SLC44A1: variants seen among roughly 807,000 people sequenced by gnomAD.
SLC44A1 encodes the protein choline transporter-like protein 1.
A neutral mutation model predicts 79.3 loss-of-function variants in SLC44A1; 26 were observed. That is an observed-to-expected ratio of 0.33 (90% confidence interval 0.24 to 0.46). SLC44A1 has a LOEUF of 0.46. Ranked by LOEUF, SLC44A1 falls within the 20% of genes least tolerant of loss-of-function variation. The pLI is 1.00. For missense variants in SLC44A1, 688 were observed against 798.1 expected (o/e 0.86, Z 1.66); for synonymous variants, 263 against 286.2 (o/e 0.92, Z 0.82).
intron 15 of SLC44A1, among the ~76,000 whole-genome samples, chr9:105,406,466 C>T (rs943290447): frequency 2.0e-5 from 3 of 152,136 alleles, no homozygotes; most frequent in African/African-American, 2.4e-5. Context: ...ACTGGCCAGA[C>T]GTGGTGGCTC....
At position 105,356,190 on chromosome 9, in the gene SLC44A1, T is replaced by A. The variant is rs779530197; in HGVS notation, c.501-22T>A. On this transcript the variant is annotated intron_variant, in intron 5 of 15. Coordinates refer to ENST00000374720, the MANE Select transcript of SLC44A1 (RefSeq NM_080546.5). The stretch of plus-strand genomic sequence containing the variant: ...TAAGTAGGAGTAATTTTTTTTCTGA[T>A]TTTTTTTTCTTGTGTCACCAGTGCA... 1.9e-6 allele frequency: 3 copies of A among 1,583,350 alleles called. No individual in the cohort carries two copies. In the African/African-American group the frequency reaches 4.1e-5, roughly 22 times the overall value.
chr9:105,397,780 T>TA (rs372495485), downstream of SLC44A1, among the ~76,000 whole-genome samples: 1,154 of 150,930 alleles, frequency 7.6e-3, 17 homozygotes, highest in African/African-American at 0.026. Flanking sequence ...CCGTCTCTAC[T>TA]AAAAAAAATA....
chr9:105,257,986 AAT>A (rs1829750578), intron 1 of SLC44A1, among the ~76,000 whole-genome samples: 2 of 152,338 alleles, frequency 1.3e-5, no homozygotes, highest in South Asian at 4.1e-4. Context: ...GAATGGGAGA[AAT>A]AGAAGGCAGA....
At chr9:105,309,544 A>G (rs962465801) in intron 2 of SLC44A1, among the ~76,000 whole-genome samples, 180 bp from the exon 3 acceptor site, 2 of 152,196 alleles carry the variant, frequency 1.3e-5, no homozygotes, top group African/African-American at 2.4e-5. Flanking sequence ...GTGTTTCCCT[A>G]TGGACTTCTT....
chr9:105,318,703 G>A (rs1215043496), intron 3 of SLC44A1, among the ~76,000 whole-genome samples: 4 of 151,882 alleles, frequency 2.6e-5, no homozygotes, highest in African/African-American at 9.7e-5. Context: ...AAAATACTGC[G>A]AGCAATTTGA....
chr9:105,271,629 T>G (rs1035540241), intron 1 of SLC44A1, among the ~76,000 whole-genome samples: 1 of 152,136 alleles, frequency 6.6e-6, no homozygotes, highest in South Asian at 2.1e-4. Flanking sequence ...CTTTTTTTTC[T>G]TTCAGACAGA....
At position 105,390,598 on chromosome 9, in the gene SLC44A1, G is replaced by A; in HGVS notation, c.*1542G>A. 1.0e-6 allele frequency: 1 copy of A among 985,808 alleles called. No homozygotes were observed. The highest frequency in any genetic ancestry group is 4.7e-5 in the South Asian group (1 of 21,284). The allele number at this position is 985,808 out of a possible 1,614,324, so 61.1% of individuals were successfully genotyped here. The stretch of plus-strand genomic sequence containing the variant: ...GCTTAATAAGCAGCCGTTTGCTAAT[G>A]TGCTTCCTTTCAAAGGGTTGGACCT... On this transcript the variant is annotated 3_prime_UTR_variant, in exon 16 of 16. Coordinates refer to ENST00000374720, the MANE Select transcript of SLC44A1 (RefSeq NM_080546.5).
At chr9:105,257,507 G>T (rs1829739728) in intron 1 of SLC44A1, among the ~76,000 whole-genome samples, 1 of 152,194 alleles carries the variant, frequency 6.6e-6, no homozygotes, top group Admixed American at 6.5e-5. Flanking sequence ...TGGGATTACA[G>T]GCATGAGCTA....
chr9:105,296,863 A>G (rs892908619), intron 1 of SLC44A1, among the ~76,000 whole-genome samples: 1 of 152,222 alleles, frequency 6.6e-6, no homozygotes, highest in African/African-American at 2.4e-5. Flanking sequence ...CAAAGTTTCC[A>G]CAAAAGTGCG....
rs571817645 is a variant in SLC44A1, at chr9:105,436,966, T to C, written c.1951-1315T>C. On this transcript the variant is annotated intron_variant, in intron 15 of 15. Coordinates refer to the SLC44A1 transcript ENST00000374724. ...TTGATATCTGAATCATAGAACTATT[T>C]CATACCCCCTTCTTCCAAGTCCAAG... 1.3e-5 allele frequency among the ~76,000 whole-genome samples: 2 copies of C among 152,280 alleles called. 1 individual carries two copies. The highest frequency in any genetic ancestry group is 4.8e-5 in the African/African-American group (2 of 41,544).
At chr9:105,311,684 G>GGGAAACTTAA (rs1210911218) in intron 3 of SLC44A1, among the ~76,000 whole-genome samples, 26 of 152,140 alleles carry the variant, frequency 1.7e-4, no homozygotes, top group African/African-American at 6.3e-4. Context: ...AGGTGTAGCT[G>GGGAAACTTAA]TTCCTTAATT....
chr9:105,414,430 C>T (rs1829141124), intron 15 of SLC44A1, among the ~76,000 whole-genome samples: 1 of 152,136 alleles, frequency 6.6e-6, no homozygotes, highest in Non-Finnish European at 1.5e-5. Flanking sequence ...ATGCATGCTC[C>T]CTCAGCACCC....
At chr9:105,371,511 C>T (rs879310438) in intron 12 of SLC44A1, among the ~76,000 whole-genome samples, 4 of 151,530 alleles carry the variant, frequency 2.6e-5, no homozygotes, top group Admixed American at 2.6e-4. Flanking sequence ...CCTTGTGGAT[C>T]ACAAGGCCAG....
Position 105,392,456 on chromosome 9 carries a change from G to A in SLC44A1, c.*3400G>A. ...CCGTGAGGGCATTAGGCTGCTGATT[G>A]TAAGTTATTTCCAATACCACTGATC... On this transcript the variant is annotated 3_prime_UTR_variant, in exon 16 of 16. Transcript: ENST00000374720. 1.7e-6 allele frequency: 1 copy of A among 584,184 alleles called. No individual in the cohort carries two copies. Among genetic ancestry groups the A allele is most frequent in the Non-Finnish European group, 2.0e-6 (1 of 497,010 alleles). The allele number at this position is 584,184 out of a possible 1,614,324, so 36.2% of individuals were successfully genotyped here.
At chr9:105,384,413 T>C (rs552476434) in intron 14 of SLC44A1, among the ~76,000 whole-genome samples, 1 of 152,250 alleles carries the variant, frequency 6.6e-6, no homozygotes. Context: ...ACTCCTGTCC[T>C]CAGGTGATCT....
chr9:105,351,564 G>GAGAGAA (rs1360609013), intron 5 of SLC44A1, among the ~76,000 whole-genome samples: 1 of 121,830 alleles, frequency 8.2e-6, no homozygotes, highest in Non-Finnish European at 1.7e-5. Context: ...AAGAGAGAAA[G>GAGAGAA]AGAGAAAGAG....
chr9:105,413,561 G>A (rs1829126589), intron 15 of SLC44A1, among the ~76,000 whole-genome samples: 1 of 152,258 alleles, frequency 6.6e-6, no homozygotes, highest in Non-Finnish European at 1.5e-5. Flanking sequence ...TTCCCAGAAA[G>A]CATTCTTGCC....
rs140238296 is a variant in SLC44A1 at position 105,269,937 on chromosome 9, T to C, written c.36+25033T>C. On this transcript the variant is annotated intron_variant, in intron 1 of 15. Coordinates refer to ENST00000374720, the MANE Select transcript of SLC44A1 (RefSeq NM_080546.5). ...AGAAGACACTCAGTAAATGTTTCAG[T>C]AAGCTTGTTTATTTGAAACAGTTTA... is the stretch of plus-strand genomic sequence containing the variant. 2.7e-3 allele frequency among the ~76,000 whole-genome samples: 410 copies of C among 152,330 alleles called. 2 individuals carry two copies. Among genetic ancestry groups the C allele is most frequent in the African/African-American group, 9.7e-3 (403 of 41,562 alleles).
At position 105,392,200 on chromosome 9, in the gene SLC44A1, G is replaced by A; in HGVS notation, c.*3144G>A. The A allele has an allele frequency of 1.0e-6, 1 of 984,366 alleles. No homozygotes were observed. The highest frequency in any genetic ancestry group is 4.7e-5 in the South Asian group (1 of 21,266). The allele number at this position is 984,366 out of a possible 1,614,324, so 61.0% of individuals were successfully genotyped here. On this transcript the variant is annotated 3_prime_UTR_variant, in exon 16 of 16. Transcript: ENST00000374720. Reference sequence around the variant, plus strand: ...CAGTTGTTCCTTTAAAGCATTTAATGCAATGGCTAATGTTTAGGATTAAAG... The same window carrying A: ...CAGTTGTTCCTTTAAAGCATTTAATACAATGGCTAATGTTTAGGATTAAAG...
Sources: gnomAD v4.1 joint callset for allele counts (sites outside exome capture counted in the v4.1 genomes callset) on GRCh38, gnomAD v4.1.1 for gene constraint, MANE v1.5 for transcripts, NCBI Gene and HGNC (gene_info 2026-07-23, HGNC 2026-07-21) for gene names.